IL22RA1: variants seen among roughly 807,000 people sequenced by gnomAD.
IL22RA1 encodes interleukin 22 receptor subunit alpha 1.
In IL22RA1, 25 loss-of-function variants were observed where a neutral mutation model predicts 32.8. That is an observed-to-expected ratio of 0.76 (90% CI 0.55 to 1.06). IL22RA1 has a LOEUF of 1.06. Among genes scored for constraint, IL22RA1 ranks in the 50% least tolerant of loss-of-function variants. The pLI, the probability that IL22RA1 is intolerant of heterozygous loss-of-function variation, is 0.00. For synonymous variants in IL22RA1, 305 were observed against 305.0 expected (o/e 1.00, Z 0.00); for missense variants, 709 against 727.4 (o/e 0.97, Z 0.29).
At chr1:24,140,878 G>T (rs575490494) in intron 1 of IL22RA1, among the ~76,000 whole-genome samples, 2 of 152,354 alleles carry the variant, frequency 1.3e-5, no homozygotes, top group South Asian at 4.1e-4. Context: ...GAATATGTCT[G>T]TGCCTCTCCT....
intron 5 of IL22RA1, among the ~76,000 whole-genome samples, chr1:24,127,823 C>A (rs1557627664): frequency 6.6e-6 from 1 of 152,122 alleles, no homozygotes; most frequent in Non-Finnish European, 1.5e-5. Context: ...TCTCTGCTTC[C>A]CCCCTGCAGA....
intron 5 of IL22RA1, among the ~76,000 whole-genome samples, chr1:24,126,852 A>G (rs1316140743): frequency 6.6e-6 from 1 of 152,054 alleles, no homozygotes; most frequent in Non-Finnish European, 1.5e-5. Context: ...AGAGGAAGGG[A>G]CCATCTCACT....
chr1:24,137,412 G>A (rs532666423), intron 2 of IL22RA1, 103 bp from the exon 3 acceptor site: 11 of 1,029,486 alleles, frequency 1.1e-5, no homozygotes, highest in Middle Eastern at 2.3e-4. Flanking sequence ...TACTTAGCAC[G>A]TTCAGTGGCC....
rs200289901 is a variant in IL22RA1, at chr1:24,137,337, C to T, written c.177-28G>A. ...GCAGGTCAGGAAGGGGCCAAGTCAC[C>T]GTGGTGATGAAAAGGCCAGCGCTAG... is the stretch of plus-strand genomic sequence containing the variant. On this transcript the variant is annotated intron_variant, in intron 2 of 6. Coordinates refer to ENST00000270800, the MANE Select transcript of IL22RA1 (RefSeq NM_021258.4). 122 of 1,605,906 alleles carry T rather than the reference C, an allele frequency of 7.6e-5. 1 individual carries two copies. In the South Asian group the frequency reaches 1.2e-3, roughly 16 times the overall value.
intron 5 of IL22RA1, among the ~76,000 whole-genome samples, chr1:24,127,231 T>C (rs1213440560): frequency 6.6e-6 from 1 of 151,594 alleles, no homozygotes; most frequent in Non-Finnish European, 1.5e-5. Context: ...ACTGTATCTA[T>C]AGTAGCTCTG....
At chr1:24,138,436 CAT>C in intron 2 of IL22RA1, 144 bp downstream of exon 2, 1 of 838,390 alleles carries the variant, frequency 1.2e-6, no homozygotes, top group Non-Finnish European at 1.9e-6. Context: ...GCAAAAGAAA[CAT>C]AAAGGAGCAA....
rs1021034967 is a variant in IL22RA1, at chr1:24,120,954, C to T, written c.1576G>A (p.Gly526Ser). ...TCCAGCAGGCCCCAGGGACTTGGAC[C>T]TTGGTCCGAGGGGGAACATGGACGG... ...PSRPCSPSDQGPSPWGLLESL... is the reference protein window; with the variant it reads ...PSRPCSPSDQSPSPWGLLESL... The change falls in exon 7 of 7, where the codon GGT becomes AGT. Residue 526 changes from glycine to serine, a missense_variant. Coordinates refer to ENST00000270800, the MANE Select transcript of IL22RA1 (RefSeq NM_021258.4). 1 of 1,614,202 alleles carries T rather than the reference C, an allele frequency of 6.2e-7. No homozygotes were observed. The highest frequency in any genetic ancestry group is 8.5e-7 in the Non-Finnish European group (1 of 1,180,024).
At chr1:24,138,483 C>T (rs2148575697) in intron 2 of IL22RA1, 99 bp downstream of exon 2, 1 of 1,351,534 alleles carries the variant, frequency 7.4e-7, no homozygotes, top group Non-Finnish European at 1.0e-6. Flanking sequence ...GACACCAGTC[C>T]TGGTGGGGAC....
At chr1:24,131,771 T>C (rs913233985) in intron 4 of IL22RA1, among the ~76,000 whole-genome samples, 5 of 152,168 alleles carry the variant, frequency 3.3e-5, no homozygotes, top group African/African-American at 9.7e-5. Flanking sequence ...CTTTACCTAA[T>C]TGATATTTAT....
intron 6 of IL22RA1, among the ~76,000 whole-genome samples, chr1:24,123,009 T>C (rs1644135609): frequency 6.6e-6 from 1 of 152,152 alleles, no homozygotes; most frequent in African/African-American, 2.4e-5. Context: ...CCTCGTTGCC[T>C]TGCTGCTCAC....
At chr1:24,122,807 A>T (rs1173607209) in intron 6 of IL22RA1, among the ~76,000 whole-genome samples, 1 of 152,164 alleles carries the variant, frequency 6.6e-6, no homozygotes, top group African/African-American at 2.4e-5. Flanking sequence ...CAAAAAAAAA[A>T]AAATCTGTTT....
intron 2 of IL22RA1, among the ~76,000 whole-genome samples, chr1:24,137,667 C>T (rs927029188): frequency 6.6e-6 from 1 of 151,974 alleles, no homozygotes; most frequent in Non-Finnish European, 1.5e-5. Context: ...CAGGAGTGCA[C>T]CACCATGCCT....
chr1:24,131,521 A>T, intron 4 of IL22RA1, among the ~76,000 whole-genome samples: 1 of 152,242 alleles, frequency 6.6e-6, no homozygotes, highest in Admixed American at 6.5e-5. Context: ...ACAAATAAAA[A>T]GGAACAATTC....
chr1:24,134,099 G>C (rs1032517540), intron 4 of IL22RA1, 112 bp downstream of exon 4: 1 of 853,304 alleles, frequency 1.2e-6, no homozygotes, highest in African/African-American at 1.8e-5. Flanking sequence ...CATGTTTTGG[G>C]AAATGCTAAT....
chr1:24,125,860 A>G (rs1456327010), intron 5 of IL22RA1, among the ~76,000 whole-genome samples: 1 of 152,230 alleles, frequency 6.6e-6, no homozygotes, highest in African/African-American at 2.4e-5. Context: ...AACCTAATAA[A>G]TGTAGGAATT....
chr1:24,133,934 T>TA (rs201707576), intron 4 of IL22RA1, among the ~76,000 whole-genome samples: 2,392 of 152,040 alleles, frequency 0.016, 83 homozygotes, highest in African/African-American at 0.055. Flanking sequence ...AATAAATAAA[T>TA]AAAAAACAAA....
At chr1:24,128,457 C>T (rs192222983) in intron 4 of IL22RA1, among the ~76,000 whole-genome samples, 178 bp from the exon 5 acceptor site, 4 of 152,116 alleles carry the variant, frequency 2.6e-5, no homozygotes, top group African/African-American at 4.8e-5. Context: ...TCTCCAAGCA[C>T]GTGTGCCTTT....
At chr1:24,137,434 T>G (rs995856773) in intron 2 of IL22RA1, 125 bp from the exon 3 acceptor site, 1 of 749,564 alleles carries the variant, frequency 1.3e-6, no homozygotes, top group Non-Finnish European at 2.2e-6. Context: ...AGGCCCTTTA[T>G]GCGAATGATC....
At chr1:24,127,244 G>A (rs1644172259) in intron 5 of IL22RA1, among the ~76,000 whole-genome samples, 1 of 151,488 alleles carries the variant, frequency 6.6e-6, no homozygotes, top group Admixed American at 6.6e-5. Context: ...TAGCTCTGTG[G>A]TAAGAGCATG....
Sources: gnomAD v4.1 joint callset for allele counts (sites outside exome capture counted in the v4.1 genomes callset) on GRCh38, gnomAD v4.1.1 for gene constraint, MANE v1.5 for transcripts, NCBI Gene and HGNC (gene_info 2026-07-23, HGNC 2026-07-21) for gene names.